MALRD1: variants seen among roughly 807,000 people sequenced by gnomAD.
MALRD1 encodes MAM and LDL-receptor class A domain-containing protein 1.
Under a neutral mutation model 242.1 loss-of-function variants are expected in MALRD1, and 247 were observed. The observed-to-expected ratio is 1.02, with a 90% CI of 0.92 to 1.13. The LOEUF is 1.13. Among genes scored for constraint, MALRD1 ranks in the 50% most tolerant of loss-of-function variants. The pLI is 0.00. For missense variants in MALRD1, 2,989 were observed against 2,533.1 expected (o/e 1.18, Z -3.86); for synonymous variants, 995 against 866.6 (o/e 1.15, Z -2.60).
intron 14 of MALRD1, among the ~76,000 whole-genome samples, chr10:19,181,764 A>G (rs372070216): frequency 1.5e-4 from 23 of 152,308 alleles, no homozygotes; most frequent in African/African-American, 5.1e-4. Flanking sequence ...ATTATGTGAG[A>G]TAATGGATAA....
intron 21 of MALRD1, among the ~76,000 whole-genome samples, 173 bp from the exon 22 acceptor site, chr10:19,323,776 T>C (rs75516434): frequency 6.6e-6 from 1 of 152,124 alleles, no homozygotes; most frequent in Non-Finnish European, 1.5e-5. Flanking sequence ...TCCCAGCTTA[T>C]TTTTTCGTAT....
intron 36 of MALRD1, among the ~76,000 whole-genome samples, chr10:19,674,750 T>G (rs1236859128): frequency 1.3e-5 from 2 of 152,264 alleles, no homozygotes; most frequent in Admixed American, 1.3e-4. Context: ...AGCAAAAATT[T>G]AATGCCTTCA....
chr10:19,111,789 A>G (rs942229107), intron 5 of MALRD1, among the ~76,000 whole-genome samples: 1 of 152,238 alleles, frequency 6.6e-6, no homozygotes, highest in East Asian at 1.9e-4. Flanking sequence ...GAGGACACAG[A>G]GAGTTGTTTC....
At chr10:19,165,397 G>T (rs1331737122) in intron 12 of MALRD1, among the ~76,000 whole-genome samples, 1 of 151,098 alleles carries the variant, frequency 6.6e-6, no homozygotes, top group African/African-American at 2.4e-5. Flanking sequence ...CCGCCTTCTG[G>T]GTTCAAGTGA....
chr10:19,157,357 C>T (rs1239900492), intron 12 of MALRD1, among the ~76,000 whole-genome samples: 3 of 150,694 alleles, frequency 2.0e-5, no homozygotes, highest in Non-Finnish European at 4.4e-5. Flanking sequence ...ACTGCAAGCT[C>T]CTGCCTCAGC....
chr10:19,288,964 C>T (rs763982552), intron 21 of MALRD1, among the ~76,000 whole-genome samples: 19 of 152,088 alleles, frequency 1.2e-4, no homozygotes, highest in Non-Finnish European at 2.5e-4. Context: ...GATTTCCCCC[C>T]TCCCTGCTTT....
At chr10:19,550,140 CA>C (rs1835416365) in intron 32 of MALRD1, among the ~76,000 whole-genome samples, 1 of 152,146 alleles carries the variant, frequency 6.6e-6, no homozygotes, top group African/African-American at 2.4e-5. Context: ...TCTATTTCCT[CA>C]GTCCTTAATG....
chr10:19,448,277 C>A (rs1475615764), intron 28 of MALRD1, among the ~76,000 whole-genome samples: 1 of 151,944 alleles, frequency 6.6e-6, no homozygotes. Context: ...TTTTGCTTCC[C>A]TTCTGTATGT....
intron 36 of MALRD1, among the ~76,000 whole-genome samples, chr10:19,637,356 T>C (rs1441015497): frequency 6.6e-6 from 1 of 152,202 alleles, no homozygotes; most frequent in Admixed American, 6.5e-5. Context: ...ATAATGATGG[T>C]ATCAACAATG....
rs567012934 is a variant in MALRD1, at chr10:19,387,546, A to G, written c.4460A>G (p.Tyr1487Cys). 3.2e-5 allele frequency: 49 copies of G among 1,550,298 alleles called. No individual in the cohort carries two copies. The highest frequency in any genetic ancestry group is 3.9e-5 in the Admixed American group (2 of 50,976). ...GTTTTAGGTTTCTGCCCACTTGGCTATAGGGAATGTCATAATGGAAAATGC... is the reference window on the plus strand; with the variant it reads ...GTTTTAGGTTTCTGCCCACTTGGCTGTAGGGAATGTCATAATGGAAAATGC... ...PLPTGFCPLG[Y>C]RECHNGKCYR... The change falls in exon 27 of 40, where the codon TAT becomes TGT. Residue 1487 changes from tyrosine (Y) to cysteine (C), a missense_variant. Coordinates refer to ENST00000454679, the MANE Select transcript of MALRD1 (RefSeq NM_001142308.3).
intron 36 of MALRD1, among the ~76,000 whole-genome samples, chr10:19,673,490 C>G (rs908902753): frequency 6.6e-6 from 1 of 152,168 alleles, no homozygotes; most frequent in Non-Finnish European, 1.5e-5. Context: ...ACCATATACT[C>G]TTATATTCAG....
chr10:19,210,994 G>C (rs1479403814), intron 18 of MALRD1, among the ~76,000 whole-genome samples: 11 of 152,178 alleles, frequency 7.2e-5, no homozygotes, highest in Admixed American at 7.2e-4. Flanking sequence ...TAATCATATG[G>C]AATGAAATGG....
intron 18 of MALRD1, among the ~76,000 whole-genome samples, chr10:19,213,002 AAT>A (rs1204730637): frequency 1.3e-5 from 2 of 152,140 alleles, no homozygotes; most frequent in African/African-American, 4.8e-5. Context: ...CAGATATATG[AAT>A]TGCAAATATT....
intron 36 of MALRD1, among the ~76,000 whole-genome samples, chr10:19,639,733 T>C (rs1486591331): frequency 6.6e-6 from 1 of 152,194 alleles, no homozygotes; most frequent in Non-Finnish European, 1.5e-5. Context: ...CATATATGCC[T>C]CTGGTGGGAA....
chr10:19,068,016 T>C (rs186296614), intron 2 of MALRD1, among the ~76,000 whole-genome samples: 3 of 152,260 alleles, frequency 2.0e-5, no homozygotes, highest in African/African-American at 4.8e-5. Context: ...AACTGCAATA[T>C]AGGAAACTTT....
intron 21 of MALRD1, among the ~76,000 whole-genome samples, chr10:19,289,911 A>G (rs1841323848): frequency 6.6e-6 from 1 of 152,118 alleles, no homozygotes; most frequent in Non-Finnish European, 1.5e-5. Context: ...GCTGTCTTGG[A>G]GACAAAGATT....
intron 32 of MALRD1, among the ~76,000 whole-genome samples, chr10:19,545,429 C>G (rs1273103203): frequency 6.6e-6 from 1 of 152,042 alleles, no homozygotes; most frequent in Non-Finnish European, 1.5e-5. Flanking sequence ...GCAATCGTGT[C>G]TATATTGGAA....
At chr10:19,595,717 G>A (rs1838062816) in intron 34 of MALRD1, among the ~76,000 whole-genome samples, 1 of 152,096 alleles carries the variant, frequency 6.6e-6, no homozygotes, top group African/African-American at 2.4e-5. Flanking sequence ...ATTCATATGG[G>A]AGATGCCGTT....
intron 13 of MALRD1, 25 bp from the exon 14 acceptor site, chr10:19,175,182 AC>A: frequency 8.2e-7 from 1 of 1,222,536 alleles, no homozygotes; most frequent in Non-Finnish European, 1.0e-6. Context: ...TGTGTTTTTA[AC>A]AGTTTTATCT....
Sources: gnomAD v4.1 joint callset for allele counts (sites outside exome capture counted in the v4.1 genomes callset) on GRCh38, gnomAD v4.1.1 for gene constraint, MANE v1.5 for transcripts, NCBI Gene and HGNC (gene_info 2026-07-23, HGNC 2026-07-21) for gene names.